Variants in COL5A2 observed in about 807,000 individuals in gnomAD.
The protein encoded by COL5A2 is collagen type V alpha 2 chain.
In COL5A2, 23 loss-of-function variants were observed where a neutral mutation model predicts 208.2. That is an observed-to-expected ratio of 0.11 (90% confidence interval 0.08 to 0.16). The LOEUF is 0.16. Ranked by LOEUF, COL5A2 falls within the 10% of genes least tolerant of loss-of-function variation. The pLI is 1.00. For missense variants in COL5A2, 1,590 were observed against 1,956.4 expected (o/e 0.81, Z 3.53); for synonymous variants, 625 against 628.5 (o/e 0.99, Z 0.08).
At chr2:189,199,829 C>T (rs1281566548) in intron 1 of COL5A2, among the ~76,000 whole-genome samples, 1 of 152,234 alleles carries the variant, frequency 6.6e-6, no homozygotes, top group Middle Eastern at 3.2e-3. Context: ...TCTCATTTTA[C>T]TCCACCAGAT....
chr2:189,264,061 T>C, the COL5A2 span, among the ~76,000 whole-genome samples: 2 of 152,096 alleles, frequency 1.3e-5, no homozygotes, highest in Admixed American at 1.3e-4. Context: ...TGAAAGTCAA[T>C]AACAAATATG....
rs1131429 is a variant in COL5A2 at position 189,036,760 on chromosome 2, T to C, written c.3969A>G (p.Ala1323=). The C allele has an allele frequency of 6.2e-7, 1 of 1,613,696 alleles. No individual in the cohort carries two copies. The highest frequency in any genetic ancestry group is 8.5e-7 in the Non-Finnish European group (1 of 1,179,710). ...IDPNQGSVED[A]IKVYCNMETG... is the part of the protein sequence containing the mutation. ...TTTCCATGTTGCAGTAAACTTTGATTGCATCTTCAACAGATCCTTGGTTAG... is the reference window on the plus strand; with the variant it reads ...TTTCCATGTTGCAGTAAACTTTGATCGCATCTTCAACAGATCCTTGGTTAG... Residue 1323 remains alanine, a synonymous_variant, in exon 52 of 54, where the codon GCA becomes GCG. Coordinates refer to ENST00000374866, the MANE Select transcript of COL5A2 (RefSeq NM_000393.5).
chr2:189,245,696 G>A, the COL5A2 span, among the ~76,000 whole-genome samples: 1,594 of 151,938 alleles, frequency 0.01, 33 homozygotes, highest in African/African-American at 0.036. Context: ...CTGTGGTCTC[G>A]ATCTCCTGAC....
At chr2:189,308,483 T>A in the COL5A2 span, among the ~76,000 whole-genome samples, 3 of 152,150 alleles carry the variant, frequency 2.0e-5, no homozygotes, top group Non-Finnish European at 4.4e-5. Flanking sequence ...AGCTATCTCT[T>A]AGGAGGGAAA....
the COL5A2 span, among the ~76,000 whole-genome samples, chr2:189,312,367 C>T: frequency 1.7e-4 from 26 of 152,234 alleles, no homozygotes; most frequent in African/African-American, 5.3e-4. Flanking sequence ...CCGGATCCCA[C>T]GCCGCCCCAG....
chr2:189,051,571 T>C (rs1685790181), intron 41 of COL5A2, 90 bp from the exon 42 acceptor site: 2 of 1,190,286 alleles, frequency 1.7e-6, no homozygotes, highest in Non-Finnish European at 1.1e-6. Context: ...CAGATGCAGA[T>C]GTCCAAGCCT....
intron 6 of COL5A2, among the ~76,000 whole-genome samples, chr2:189,093,124 T>C (rs1686823447): frequency 6.6e-6 from 1 of 152,200 alleles, no homozygotes; most frequent in Non-Finnish European, 1.5e-5. Context: ...CAATGATTTC[T>C]AGCTGCCAAA....
the COL5A2 span, among the ~76,000 whole-genome samples, chr2:189,402,753 T>C: frequency 6.6e-6 from 1 of 151,734 alleles, no homozygotes; most frequent in African/African-American, 2.4e-5. Flanking sequence ...TTGGTCTATG[T>C]GTCCGTTCTT....
At chr2:189,092,807 T>C (rs968113135) in intron 6 of COL5A2, among the ~76,000 whole-genome samples, 3 of 152,236 alleles carry the variant, frequency 2.0e-5, no homozygotes, top group Non-Finnish European at 2.9e-5. Context: ...TACAGTGGAT[T>C]GTCATTGGAT....
chr2:189,382,988 G>A, the COL5A2 span, among the ~76,000 whole-genome samples: 1 of 152,124 alleles, frequency 6.6e-6, no homozygotes, highest in South Asian at 2.1e-4. Context: ...ATTATCACAA[G>A]GGTAGGGAAT....
chr2:189,381,995 G>C, the COL5A2 span, among the ~76,000 whole-genome samples: 1 of 152,022 alleles, frequency 6.6e-6, no homozygotes, highest in African/African-American at 2.4e-5. Flanking sequence ...AAGCATGTTT[G>C]TTGAAATTCA....
At chr2:189,064,069 A>G (rs1686091816) in intron 25 of COL5A2, 36 bp from the exon 26 acceptor site, 1 of 1,568,408 alleles carries the variant, frequency 6.4e-7, no homozygotes, top group Admixed American at 1.7e-5. Context: ...TTTGTTGCTG[A>G]TATGCAGTTG....
At chr2:189,057,104 A>T in intron 34 of COL5A2, 78 bp from the exon 35 acceptor site, 1 of 1,464,950 alleles carries the variant, frequency 6.8e-7, no homozygotes, top group Non-Finnish European at 9.6e-7. Context: ...CATGAGAGTG[A>T]AGGCTAATTG....
intron 1 of COL5A2, among the ~76,000 whole-genome samples, chr2:189,190,639 A>T (rs932479600): frequency 3.9e-5 from 6 of 152,216 alleles, no homozygotes; most frequent in Non-Finnish European, 7.3e-5. Flanking sequence ...TATAAATCTG[A>T]TAAAAACTCT....
chr2:189,178,323 T>G (rs558697529), intron 1 of COL5A2, among the ~76,000 whole-genome samples: 1 of 152,220 alleles, frequency 6.6e-6, no homozygotes, highest in Non-Finnish European at 1.5e-5. Flanking sequence ...TTTTATAAAC[T>G]TTTTGAAACC....
At chr2:189,097,774 T>C in intron 5 of COL5A2, 1 of 438,812 alleles carries the variant, frequency 2.3e-6, no homozygotes. Flanking sequence ...TGGTACATGA[T>C]ACCCCAAAAT....
Position 189,110,521 on chromosome 2 carries a change from C to T in COL5A2, c.98-72G>A, listed in dbSNP as rs971898796. 4 of 1,420,886 alleles carry T rather than the reference C, an allele frequency of 2.8e-6. No individual in the cohort carries two copies. The African/African-American group carries it at 4.2e-5, about 15-fold the overall frequency. 88.0% of individuals were successfully genotyped at this position (1,420,886 alleles called of 1,614,324 possible). A position where few individuals can be genotyped will look rare whatever the true frequency, so the allele number is the denominator to read the frequency against. On this transcript the variant is annotated intron_variant, in intron 1 of 53. Transcript: ENST00000374866. ...ATTGAGAAAATAAAAGGTGAGCCAT[C>T]TTGTGGATTCTAAAAAATTCTGGAC...
At chr2:189,070,229 A>G (rs1686240770) in intron 18 of COL5A2, among the ~76,000 whole-genome samples, 1 of 152,188 alleles carries the variant, frequency 6.6e-6, no homozygotes, top group Non-Finnish European at 1.5e-5. Flanking sequence ...TATCTGGCTT[A>G]TTATGTACCT....
the COL5A2 span, among the ~76,000 whole-genome samples, chr2:189,435,542 A>C: frequency 6.6e-6 from 1 of 152,222 alleles, no homozygotes; most frequent in Non-Finnish European, 1.5e-5. Context: ...TTCTCAAAAG[A>C]AGACATTTAT....
Sources: allele counts gnomAD v4.1 joint callset (sites outside exome capture counted in the v4.1 genomes callset), GRCh38; gene constraint gnomAD v4.1.1; transcripts MANE v1.5; gene names NCBI Gene and HGNC (gene_info 2026-07-23, HGNC 2026-07-21).